The following AVEN variants were observed in gnomAD, a reference collection of about 807,000 sequenced individuals.
The protein encoded by AVEN is apoptosis and caspase activation inhibitor, also known as cell death regulator Aven.
A neutral mutation model predicts 38.1 loss-of-function variants in AVEN; 41 were observed. The observed-to-expected ratio is 1.08, with a 90% CI of 0.84 to 1.40. The LOEUF is 1.40. AVEN is among the 40% of genes most tolerant of loss of function. The pLI is 0.00. For synonymous variants in AVEN, 206 were observed against 171.8 expected, an observed-to-expected ratio of 1.20 and a Z score of -1.56; for missense variants, 605 against 438.8, an observed-to-expected ratio of 1.38 and a Z score of -3.38.
intron 4 of AVEN, chr15:34,065,824 A>G (rs1361490925): frequency 6.6e-6 from 1 of 152,220 alleles, no homozygotes; most frequent in Non-Finnish European, 1.5e-5. Flanking sequence ...CCTGTCAGAC[A>G]TTATTTAACT....
chr15:33,964,591 G>A (rs1294916628), intron 2 of AVEN, among the ~76,000 whole-genome samples: 1 of 151,966 alleles, frequency 6.6e-6, no homozygotes, highest in Non-Finnish European at 1.5e-5. Context: ...GTATTGCAAA[G>A]TACAACCACT....
intron 2 of AVEN, among the ~76,000 whole-genome samples, chr15:33,946,185 T>C (rs1368561972): frequency 1.3e-5 from 2 of 152,138 alleles, no homozygotes; most frequent in East Asian, 1.9e-4. Flanking sequence ...ATTAAAGATA[T>C]ATATATCTGG....
chr15:34,007,591 C>T (rs915158316), intron 1 of AVEN, among the ~76,000 whole-genome samples: 1 of 152,168 alleles, frequency 6.6e-6, no homozygotes, highest in South Asian at 2.1e-4. Flanking sequence ...TAAAATTCTT[C>T]CAGCTTTTAC....
intron 2 of AVEN, among the ~76,000 whole-genome samples, chr15:33,976,927 G>A (rs1327481739): frequency 6.6e-6 from 1 of 152,114 alleles, no homozygotes; most frequent in East Asian, 1.9e-4. Context: ...CATCCTGGAT[G>A]GAAGTAAAAT....
downstream of AVEN, among the ~76,000 whole-genome samples, chr15:33,863,026 T>C (rs1248362312): frequency 2.6e-5 from 4 of 152,214 alleles, no homozygotes; most frequent in African/African-American, 9.6e-5. Flanking sequence ...AATGAGCCCA[T>C]GGCCACGTGT....
Position 34,063,522 on chromosome 15 carries a change from G to C in AVEN, n.1127-90C>G, listed in dbSNP as rs200786354. 32 of 1,613,674 alleles carry C rather than the reference G, an allele frequency of 2.0e-5. No homozygotes were observed. In the African/African-American group the frequency reaches 3.7e-4, roughly 19 times the overall value. ...CCTGGCCCAGCGGGAAAGGAACCAG[G>C]CCTCCTGGTCATCCTCCCGCAGGAG... On this transcript the variant is annotated intron_variant and non_coding_transcript_variant, in intron 4 of 11. Transcript: ENST00000675287. The surrounding 1 kb of genome is among the most constrained non-coding windows in gnomAD (Gnocchi z 4.1).
intron 2 of AVEN, among the ~76,000 whole-genome samples, chr15:33,894,972 A>G (rs1299490747): frequency 6.6e-6 from 1 of 151,910 alleles, no homozygotes; most frequent in East Asian, 2.0e-4. Context: ...CCATCTGGAA[A>G]TTAAACTTTG....
intron 2 of AVEN, among the ~76,000 whole-genome samples, chr15:33,983,223 T>TATAC (rs1175801204): frequency 0.065 from 7,251 of 110,704 alleles, 375 homozygotes; most frequent in African/African-American, 0.1. Flanking sequence ...TACATATATA[T>TATAC]ACACACACAT....
intron 2 of AVEN, among the ~76,000 whole-genome samples, chr15:33,927,022 A>G (rs1893632846): frequency 6.6e-6 from 1 of 152,172 alleles, no homozygotes; most frequent in Admixed American, 6.5e-5. Context: ...TGGGAGGCTG[A>G]GACAGGCGGA....
Position 34,038,932 on chromosome 15 carries a change from C to T in AVEN, c.115G>A (p.Gly39Ser), listed in dbSNP as rs1319346116. Residue 39 changes from glycine (G) to serine (S), a missense_variant, in exon 1 of 6, where the codon GGC (glycine) becomes AGC (serine). Coordinates refer to ENST00000306730, the MANE Select transcript of AVEN (RefSeq NM_020371.3). ...PGAAAAVARG[G>S]GGGGGGDGGG... ...CCGTCCCCGCCGCCGCCTCCGCCGC[C>T]GCCTCTGGCTACCGCCGCTGCGGCT... 8 of 1,104,712 alleles carry T rather than the reference C, an allele frequency of 7.2e-6. No individual in the cohort carries two copies. In the Admixed American group the frequency reaches 3.5e-4, roughly 49 times the overall value. The allele number at this position is 1,104,712 out of a possible 1,614,324, so 68.4% of individuals were successfully genotyped here.
At chr15:33,922,071 C>G (rs1893417188) in intron 2 of AVEN, among the ~76,000 whole-genome samples, 1 of 152,140 alleles carries the variant, frequency 6.6e-6, no homozygotes. Context: ...GTAAGAAAGT[C>G]CCTATCGATG....
chr15:33,853,868 C>T (rs2079361343), downstream of AVEN, among the ~76,000 whole-genome samples: 2 of 151,920 alleles, frequency 1.3e-5, no homozygotes, highest in South Asian at 4.1e-4. Flanking sequence ...ATTTTTATGC[C>T]CTATAGAGCT....
intron 5 of AVEN, among the ~76,000 whole-genome samples, chr15:34,045,701 T>TAAA (rs879353266): frequency 2.2e-5 from 3 of 138,436 alleles, no homozygotes; most frequent in Non-Finnish European, 3.1e-5. Context: ...AAGCTTCTCA[T>TAAA]AAAAAAAAAA....
chr15:34,068,958 C>G (rs892994299), intron 2 of AVEN, among the ~76,000 whole-genome samples: 6 of 151,886 alleles, frequency 4.0e-5, no homozygotes, highest in Admixed American at 1.3e-4. Context: ...ACTACAGGCG[C>G]CTGCCACCAC....
chr15:33,929,030 G>A (rs1390790209), intron 2 of AVEN, among the ~76,000 whole-genome samples: 1 of 152,042 alleles, frequency 6.6e-6, no homozygotes, highest in Non-Finnish European at 1.5e-5. Context: ...ACAGTCATGT[G>A]GAACAGAATA....
chr15:34,068,079 C>T (rs771960831), intron 2 of AVEN, among the ~76,000 whole-genome samples: 17 of 152,080 alleles, frequency 1.1e-4, no homozygotes, highest in Non-Finnish European at 1.9e-4. Context: ...ACCCACATTC[C>T]GCACTTAACG....
At chr15:33,878,187 A>G (rs968797288) in intron 2 of AVEN, among the ~76,000 whole-genome samples, 5 of 152,190 alleles carry the variant, frequency 3.3e-5, no homozygotes, top group African/African-American at 1.2e-4. Flanking sequence ...AATTTGTCCA[A>G]ATTACTCAAA....
At chr15:33,904,375 G>A (rs202156877) in intron 2 of AVEN, among the ~76,000 whole-genome samples, 37 of 152,142 alleles carry the variant, frequency 2.4e-4, no homozygotes, top group East Asian at 3.9e-4. Flanking sequence ...AGCTATGATC[G>A]TGCCACTGCA....
intron 5 of AVEN, among the ~76,000 whole-genome samples, chr15:34,051,772 T>TC (rs891550646): frequency 2.0e-4 from 30 of 151,646 alleles, no homozygotes; most frequent in African/African-American, 6.8e-4. Flanking sequence ...ACATACACCC[T>TC]CCCAAGACTG....
Sources: gnomAD v4.1 joint callset for allele counts (sites outside exome capture counted in the v4.1 genomes callset) on GRCh38, gnomAD v4.1.1 for gene constraint, Gnocchi (gnomAD v3.1) non-coding constraint, MANE v1.5 for transcripts, NCBI Gene and HGNC (gene_info 2026-07-23, HGNC 2026-07-21) for gene names.